Variants in EIF2D observed in about 807,000 individuals in gnomAD.
EIF2D encodes the protein eukaryotic translation initiation factor 2D.
Under a neutral mutation model 77.4 loss-of-function variants are expected in EIF2D, and 56 were observed. The observed-to-expected ratio is 0.72, with a 90% CI of 0.58 to 0.90. The LOEUF is 0.90. Among genes scored for constraint, EIF2D ranks in the 40% least tolerant of loss-of-function variants. EIF2D has a pLI of 0.00. For missense variants in EIF2D, 574 were observed against 706.5 expected, an observed-to-expected ratio of 0.81 and a Z score of 2.13; for synonymous variants, 230 against 271.0, an observed-to-expected ratio of 0.85 and a Z score of 1.49.
rs910825986 is a variant in EIF2D, at chr1:206,599,240, G to T, written c.1203-148C>A. On this transcript the variant is annotated intron_variant, in intron 10 of 14. Transcript: ENST00000271764. The surrounding 1 kb of genome is among the most constrained non-coding windows in gnomAD (Gnocchi z 4.1). ...CCCTTTTCCTGACTGAAGTGAGCAT[G>T]ACCATGTGAAGAATAATTACACGCA... is the stretch of plus-strand genomic sequence containing the variant. 1.1e-5 allele frequency: 10 copies of T among 885,484 alleles called. No individual in the cohort carries two copies. The African/African-American group carries it at 1.5e-4, about 13-fold the overall frequency. The allele number at this position is 885,484 out of a possible 1,614,324, so 54.9% of individuals were successfully genotyped here.
downstream of EIF2D, chr1:206,587,780 A>T (rs1558526703): frequency 6.6e-6 from 1 of 152,456 alleles, no homozygotes; most frequent in Non-Finnish European, 1.5e-5. Context: ...CCCCAAAGGG[A>T]AGCCAGTCAT....
rs150459038 is a variant in EIF2D at position 206,602,959 on chromosome 1, G to A, written c.776C>T (p.Thr259Met). Residue 259 changes from threonine (T) to methionine (M), a missense_variant, in exon 6 of 15, where the codon ACG becomes ATG. By Grantham distance (81) the Thr-to-Met change is moderately conservative. Transcript: ENST00000271764. ...TCCTCCTAGAGTTATACCTTGAAGCGTTTTGCTATCTGTGGAGTCTTGGTT... is the reference window on the plus strand; with the variant it reads ...TCCTCCTAGAGTTATACCTTGAAGCATTTTGCTATCTGTGGAGTCTTGGTT... ...GLNQDSTDSKTLQEQMDELLQ... is the reference protein window; with the variant it reads ...GLNQDSTDSKMLQEQMDELLQ... The A allele has an allele frequency of 9.9e-6, 16 of 1,614,010 alleles. No homozygotes were observed. The highest frequency in any genetic ancestry group is 3.3e-5 in the South Asian group (3 of 91,088).
At chr1:206,570,201 C>T (rs1668405513), downstream of EIF2D, among the ~76,000 whole-genome samples, 1 of 150,580 alleles carries the variant, frequency 6.6e-6, no homozygotes. Context: ...AAGTGATTCT[C>T]CTGCCTCAGC....
At chr1:206,570,905 T>C (rs1434947203), downstream of EIF2D, among the ~76,000 whole-genome samples, 1 of 152,064 alleles carries the variant, frequency 6.6e-6, no homozygotes, top group East Asian at 1.9e-4. Context: ...CAAATACTGG[T>C]TTTCTGATAT....
chr1:206,584,336 A>G lies in EIF2D; in HGVS notation c.139-3174T>C. The G allele has an allele frequency of 6.5e-7, 1 of 1,546,082 alleles. No homozygotes were observed. Among genetic ancestry groups the G allele is most frequent in the Non-Finnish European group, 8.8e-7 (1 of 1,142,314 alleles). ...GCAATGGCCCCGAGTGGCAGATATGATCATGCAAGGCGGACGGCCCTGACC... is the reference window on the plus strand; with the variant it reads ...GCAATGGCCCCGAGTGGCAGATATGGTCATGCAAGGCGGACGGCCCTGACC... On this transcript the variant is annotated intron_variant and NMD_transcript_variant, in intron 2 of 5. Transcript: ENST00000472709. The surrounding 1 kb of genome is among the most constrained non-coding windows in gnomAD (Gnocchi z 4.9).
Position 206,584,108 on chromosome 1 carries a change from A to C in EIF2D, c.139-2946T>G, listed in dbSNP as rs1478901848. Among the ~76,000 whole-genome samples the C allele has an allele frequency of 6.6e-6, 1 of 152,170 alleles. No individual in the cohort carries two copies. Among genetic ancestry groups the C allele is most frequent in the Non-Finnish European group, 1.5e-5 (1 of 68,018 alleles). On this transcript the variant is annotated intron_variant and NMD_transcript_variant, in intron 2 of 5. Transcript: ENST00000472709. This position sits in a 1 kb window ranked among gnomAD's most constrained non-coding sequence, Gnocchi z 4.9. ...TTACAATGGGCACTCACCAAAGGCA[A>C]CTGGTTACAGGAGGTTTAGGGAGCT...
At chr1:206,582,947 G>A (rs1668950863) in intron 2 of EIF2D, among the ~76,000 whole-genome samples, 1 of 152,164 alleles carries the variant, frequency 6.6e-6, no homozygotes. Context: ...TCATTCACCA[G>A]ATTCATAGTC....
intron 3 of EIF2D, among the ~76,000 whole-genome samples, chr1:206,609,094 ATC>A (rs1222788187): frequency 6.6e-6 from 1 of 152,136 alleles, no homozygotes; most frequent in Non-Finnish European, 1.5e-5. Context: ...CTATAACATG[ATC>A]TGTCTTGTCC....
chr1:206,572,848 A>G (rs1280727845), intron 4 of EIF2D: 1 of 152,210 alleles, frequency 6.6e-6, no homozygotes, highest in Non-Finnish European at 1.5e-5. Context: ...CCTTGGCCCC[A>G]AAGACAAAAG....
At position 206,599,209 on chromosome 1, in the gene EIF2D, T is replaced by C. The variant is rs1669801391; in HGVS notation, c.1203-117A>G. 2.0e-6 allele frequency: 2 copies of C among 1,002,922 alleles called. No individual in the cohort carries two copies. Among genetic ancestry groups the C allele is most frequent in the South Asian group, 1.6e-5 (1 of 64,506 alleles). The allele number at this position is 1,002,922 out of a possible 1,614,324, so 62.1% of individuals were successfully genotyped here. A position where few individuals can be genotyped will look rare whatever the true frequency, so the allele number is the denominator to read the frequency against. On this transcript the variant is annotated intron_variant, in intron 10 of 14. Coordinates refer to ENST00000271764, the MANE Select transcript of EIF2D (RefSeq NM_006893.3). This position sits in a 1 kb window ranked among gnomAD's most constrained non-coding sequence, Gnocchi z 4.1. ...ACTTTCCTTAGCTTTCGGCCTCTAG[T>C]TTCTTCCCTTTTCCTGACTGAAGTG...
chr1:206,572,986 T>C (rs782533262), intron 4 of EIF2D, among the ~76,000 whole-genome samples: 2 of 152,024 alleles, frequency 1.3e-5, no homozygotes, highest in Non-Finnish European at 2.9e-5. Flanking sequence ...ATGGAAAAAT[T>C]TGGACAAATG....
In EIF2D at chr1:206,599,838, T is replaced by A; in HGVS notation, c.949-2A>T. ...CATTTGCTGCAGGAACTTAGAGAGC[T>A]AAGGGAGAGAGGGCCAGTGGTAGGG... On this transcript the variant is annotated splice_acceptor_variant, in intron 8 of 14. Coordinates refer to ENST00000271764, the MANE Select transcript of EIF2D (RefSeq NM_006893.3). LOFTEE classifies it high-confidence loss of function. The surrounding 1 kb of genome is among the most constrained non-coding windows in gnomAD (Gnocchi z 4.1). 1.9e-6 allele frequency: 3 copies of A among 1,613,780 alleles called. No individual in the cohort carries two copies. Among genetic ancestry groups the A allele is most frequent in the Non-Finnish European group, 2.5e-6 (3 of 1,179,898 alleles).
At chr1:206,583,335 G>A (rs782785296) in intron 2 of EIF2D, 59 of 1,613,332 alleles carry the variant, frequency 3.7e-5, no homozygotes, top group Non-Finnish European at 4.7e-5. Context: ...GCAGAAGATC[G>A]ACAGCTACAA....
intron 11 of EIF2D, among the ~76,000 whole-genome samples, 160 bp downstream of exon 11, chr1:206,598,843 C>T (rs368357794): frequency 5.8e-4 from 25 of 42,962 alleles, no homozygotes; most frequent in Non-Finnish European, 8.1e-4. Flanking sequence ...CAGACAATAA[C>T]TGAGTGTCCA....
intron 5 of EIF2D, among the ~76,000 whole-genome samples, chr1:206,572,439 C>G (rs1007940787): frequency 6.6e-6 from 1 of 152,126 alleles, no homozygotes; most frequent in African/African-American, 2.4e-5. Flanking sequence ...CATGGTGCCC[C>G]TGGGATGCAG....
intron 2 of EIF2D, among the ~76,000 whole-genome samples, chr1:206,609,953 T>C (rs1368196729): frequency 1.3e-5 from 2 of 152,088 alleles, no homozygotes; most frequent in East Asian, 1.9e-4. Flanking sequence ...CATTGCACTA[T>C]TGCAGACAAC....
intron 4 of EIF2D, among the ~76,000 whole-genome samples, chr1:206,574,505 C>G (rs1261375976): frequency 6.6e-6 from 1 of 152,208 alleles, no homozygotes; most frequent in African/African-American, 2.4e-5. Flanking sequence ...TTTCCATTCT[C>G]AACCTCCACC....
At chr1:206,606,036 A>G (rs561990701) in intron 4 of EIF2D, among the ~76,000 whole-genome samples, 2 of 152,338 alleles carry the variant, frequency 1.3e-5, no homozygotes, top group South Asian at 2.1e-4. Flanking sequence ...GTGTAACTAT[A>G]TATCTAAGAA....
At chr1:206,583,237 C>A in intron 2 of EIF2D, 1 of 1,424,196 alleles carries the variant, frequency 7.0e-7, no homozygotes, top group Non-Finnish European at 9.9e-7. Flanking sequence ...AGAACTACTA[C>A]ACATCCACCT....
Sources: gnomAD v4.1 joint callset for allele counts (sites outside exome capture counted in the v4.1 genomes callset) on GRCh38, gnomAD v4.1.1 for gene constraint, Gnocchi (gnomAD v3.1) non-coding constraint, MANE v1.5 for transcripts, NCBI Gene and HGNC (gene_info 2026-07-23, HGNC 2026-07-21) for gene names.